NAV2: variants seen among roughly 807,000 people sequenced by gnomAD.
NAV2 encodes the protein neuron navigator 2.
Under a neutral mutation model 223.2 loss-of-function variants are expected in NAV2, and 54 were observed. The ratio of observed to expected loss-of-function variants is 0.24; its 90% confidence interval spans 0.19 to 0.30. NAV2 has a LOEUF of 0.30. NAV2 is among the 10% of genes least tolerant of loss of function. NAV2 has a pLI of 1.00. For synonymous variants in NAV2, 1,279 were observed against 1,239.3 expected (o/e 1.03, Z -0.67); for missense variants, 2,806 against 3,147.5 (o/e 0.89, Z 2.60).
Position 19,733,297 on chromosome 11 carries a change from A to G in NAV2, c.267+19335A>G, listed in dbSNP as rs149519300. 5.0e-4 allele frequency among the ~76,000 whole-genome samples: 76 copies of G among 152,242 alleles called. 1 individual carries two copies. The highest frequency in any genetic ancestry group is 1.3e-3 in the Admixed American group (20 of 15,294). On this transcript the variant is annotated intron_variant, in intron 1 of 37. Transcript: ENST00000349880. ...CTATCACTCTGTGTTTATGTCTTAG[A>G]CCCATTTTTCAAATGAGTAAGATGA...
intron 5 of NAV2, among the ~76,000 whole-genome samples, chr11:19,886,494 C>T (rs778122459): frequency 6.6e-6 from 1 of 152,208 alleles, no homozygotes; most frequent in Non-Finnish European, 1.5e-5. Flanking sequence ...CAACACCAGG[C>T]CCAAGTCAGA....
chr11:19,648,731 G>A (rs376853804), intron 1 of NAV2, among the ~76,000 whole-genome samples: 1 of 152,178 alleles, frequency 6.6e-6, no homozygotes, highest in African/African-American at 2.4e-5. Context: ...ACAAGGTAAT[G>A]TCAAACATAT....
At chr11:20,073,362 T>A (rs1342855127) in intron 22 of NAV2, among the ~76,000 whole-genome samples, 1 of 152,240 alleles carries the variant, frequency 6.6e-6, no homozygotes, top group Non-Finnish European at 1.5e-5. Flanking sequence ...GATTTTCACA[T>A]TGATGTTCAT....
intron 1 of NAV2, among the ~76,000 whole-genome samples, chr11:19,526,995 G>T (rs1263564196): frequency 6.6e-6 from 1 of 152,130 alleles, no homozygotes; most frequent in African/African-American, 2.4e-5. Context: ...GGGAGGGAGA[G>T]TTGGTTTATT....
Position 19,713,463 on chromosome 11 carries a change from G to A in NAV2, c.-233G>A, listed in dbSNP as rs1349486613. ...AGACCCGGCGGCAGCATCCGTCCAGGTGGGACCCGCTGAGCGCCGTGGCCA... is the reference window on the plus strand; with the variant it reads ...AGACCCGGCGGCAGCATCCGTCCAGATGGGACCCGCTGAGCGCCGTGGCCA... On this transcript the variant is annotated 5_prime_UTR_variant, in exon 1 of 38. In the 5' UTR this introduces an upstream ATG that the reference lacks. Coordinates refer to ENST00000349880, the MANE Select transcript of NAV2 (RefSeq NM_145117.5). This position sits in a 1 kb window ranked among gnomAD's most constrained non-coding sequence, Gnocchi z 7.2. 3.0e-6 allele frequency: 4 copies of A among 1,335,064 alleles called. No individual in the cohort carries two copies. The highest frequency in any genetic ancestry group is 3.8e-6 in the Non-Finnish European group (4 of 1,049,120). The allele number at this position is 1,335,064 out of a possible 1,614,324, so 82.7% of individuals were successfully genotyped here. A position where few individuals can be genotyped will look rare whatever the true frequency, so the allele number is the denominator to read the frequency against.
intron 35 of NAV2, among the ~76,000 whole-genome samples, chr11:20,106,143 A>G (rs1301527652): frequency 4.4e-5 from 3 of 68,666 alleles, no homozygotes; most frequent in East Asian, 7.1e-4. Flanking sequence ...CCTTGTTCAT[A>G]TGTGTGTGTG....
rs1445599380 is a variant in NAV2, at chr11:20,118,372, G to A, written c.*114G>A. The A allele has an allele frequency of 2.4e-6, 3 of 1,270,292 alleles. No homozygotes were observed. The highest frequency in any genetic ancestry group is 1.4e-5 in the South Asian group (1 of 73,098). 78.7% of individuals were successfully genotyped at this position (1,270,292 alleles called of 1,614,324 possible). A position where few individuals can be genotyped will look rare whatever the true frequency, so the allele number is the denominator to read the frequency against. On this transcript the variant is annotated 3_prime_UTR_variant, in exon 38 of 38. Coordinates refer to ENST00000349880, the MANE Select transcript of NAV2 (RefSeq NM_145117.5). ...AGCCCCCAGCCACAGCCTTAGAGCT[G>A]CGGGAACACCGAGACCCCCCGTCCT... is the stretch of plus-strand genomic sequence containing the variant.
intron 10 of NAV2, among the ~76,000 whole-genome samples, chr11:19,952,955 T>C (rs12272708): frequency 0.068 from 10,419 of 152,246 alleles, 514 homozygotes; most frequent in South Asian, 0.15. Flanking sequence ...ATCCCTTTTA[T>C]TGGATTGATA....
At chr11:19,613,481 G>T (rs930412540) in intron 1 of NAV2, among the ~76,000 whole-genome samples, 4 of 152,222 alleles carry the variant, frequency 2.6e-5, no homozygotes, top group African/African-American at 9.6e-5. Context: ...GGCTGGAAAG[G>T]TCCTGTGTTT....
At chr11:19,556,063 T>A (rs2044877656) in intron 1 of NAV2, among the ~76,000 whole-genome samples, 2 of 152,198 alleles carry the variant, frequency 1.3e-5, no homozygotes, top group Non-Finnish European at 2.9e-5. Context: ...CTCCATGTGC[T>A]GATTCCATGT....
At chr11:19,520,495 C>T (rs957056481) in intron 1 of NAV2, among the ~76,000 whole-genome samples, 1 of 152,246 alleles carries the variant, frequency 6.6e-6, no homozygotes, top group Admixed American at 6.5e-5. Flanking sequence ...GCCTCCCAAT[C>T]CTGTACCTCA....
intron 1 of NAV2, among the ~76,000 whole-genome samples, chr11:19,645,962 A>G (rs2047804772): frequency 6.6e-6 from 1 of 152,190 alleles, no homozygotes; most frequent in African/African-American, 2.4e-5. Context: ...AAACTACACC[A>G]TTGCTGCGGC....
intron 1 of NAV2, among the ~76,000 whole-genome samples, chr11:19,530,335 G>A (rs927387125): frequency 1.3e-5 from 2 of 152,222 alleles, no homozygotes; most frequent in South Asian, 4.1e-4. Flanking sequence ...GGCATCACGA[G>A]GCAGGGACTG....
At position 19,462,055 on chromosome 11, in the gene NAV2, C is replaced by T. The variant is rs1003382930; in HGVS notation, c.75+111028C>T. Among the ~76,000 whole-genome samples the T allele has an allele frequency of 3.9e-5, 6 of 152,170 alleles. No individual in the cohort carries two copies. In the South Asian group the frequency reaches 6.2e-4, roughly 16 times the overall value. On this transcript the variant is annotated intron_variant, in intron 1 of 37. Transcript: ENST00000360655. ...AGCTCCTGACCTCACGTCATCCACC[C>T]GCCATGACCTCCTATAGTGCTGGGA...
chr11:19,882,329 G>A (rs80147753), intron 5 of NAV2, among the ~76,000 whole-genome samples: 125 of 152,278 alleles, frequency 8.2e-4, no homozygotes, highest in African/African-American at 2.9e-3. Context: ...TAACTCTCGG[G>A]AATAATGGAA....
intron 6 of NAV2, among the ~76,000 whole-genome samples, chr11:19,928,088 C>T (rs942313157): frequency 3.3e-5 from 5 of 152,124 alleles, no homozygotes; most frequent in Admixed American, 6.5e-5. Context: ...TGGTTGATTA[C>T]GTTTTTCAAA....
chr11:19,389,559 G>A (rs1303283209), intron 1 of NAV2, among the ~76,000 whole-genome samples: 1 of 152,164 alleles, frequency 6.6e-6, no homozygotes, highest in Non-Finnish European at 1.5e-5. Context: ...ATCCTCATCT[G>A]GACCATGAAG....
At chr11:19,409,072 T>C (rs1850030430) in intron 1 of NAV2, among the ~76,000 whole-genome samples, 1 of 152,172 alleles carries the variant, frequency 6.6e-6, no homozygotes. Context: ...TTAATGAGTA[T>C]GTTAAGCCAT....
intron 1 of NAV2, among the ~76,000 whole-genome samples, chr11:19,760,744 G>C (rs2054671643): frequency 6.6e-6 from 1 of 152,106 alleles, no homozygotes; most frequent in African/African-American, 2.4e-5. Flanking sequence ...CCATACACTG[G>C]GTTAAAAAGA....
Sources: allele counts gnomAD v4.1 joint callset (sites outside exome capture counted in the v4.1 genomes callset), GRCh38; gene constraint gnomAD v4.1.1; non-coding constraint Gnocchi (gnomAD v3.1); transcripts MANE v1.5; gene names NCBI Gene and HGNC (gene_info 2026-07-23, HGNC 2026-07-21).